The following USP12 variants were observed in gnomAD, a reference collection of about 807,000 sequenced individuals.
USP12 encodes the protein ubiquitin carboxyl-terminal hydrolase 12.
Under a neutral mutation model 45.5 loss-of-function variants are expected in USP12, and 19 were observed. The ratio of observed to expected loss-of-function variants is 0.42; its 90% CI spans 0.29 to 0.61. The LOEUF (loss-of-function observed/expected upper bound fraction) is 0.61, where lower values mean the gene tolerates loss of function less well. Ranked by LOEUF, USP12 falls within the 20% of genes least tolerant of loss-of-function variation. The pLI, the probability that USP12 is intolerant of heterozygous loss-of-function variation, is 0.22. For missense variants in USP12, 242 were observed against 447.7 expected (o/e 0.54, Z 4.15); for synonymous variants, 149 against 148.8 (o/e 1.00, Z -0.01).
intron 6 of USP12, among the ~76,000 whole-genome samples, chr13:27,083,946 C>G (rs7985407): frequency 0.62 from 93,598 of 150,514 alleles, 31,536 homozygotes; most frequent in Non-Finnish European, 0.77. Context: ...CTCACTGCAA[C>G]CTCTGCCTCC....
At chr13:27,121,817 T>C (rs1204220370) in intron 1 of USP12, among the ~76,000 whole-genome samples, 2 of 151,436 alleles carry the variant, frequency 1.3e-5, no homozygotes, top group Non-Finnish European at 2.9e-5. Flanking sequence ...GCCGAGATCA[T>C]GCCACTGCAC....
chr13:27,069,844 G>A (rs989931884), intron 8 of USP12, among the ~76,000 whole-genome samples: 2 of 152,196 alleles, frequency 1.3e-5, no homozygotes, highest in African/African-American at 2.4e-5. Flanking sequence ...CTACTCGGGA[G>A]GCTGAGGCAG....
At chr13:27,156,844 G>GAGA (rs1566006809) in intron 1 of USP12, among the ~76,000 whole-genome samples, 5 of 151,972 alleles carry the variant, frequency 3.3e-5, no homozygotes, top group African/African-American at 1.2e-4. Flanking sequence ...GAGAGAGAGA[G>GAGA]AAAAAATGAT....
intron 1 of USP12, among the ~76,000 whole-genome samples, chr13:27,142,924 C>T (rs1877131037): frequency 6.6e-6 from 1 of 152,022 alleles, no homozygotes; most frequent in African/African-American, 2.4e-5. Context: ...GAAACCCCAT[C>T]TCTACTAAAA....
At chr13:27,168,147 C>T (rs1333256276) in intron 1 of USP12, among the ~76,000 whole-genome samples, 6 of 152,164 alleles carry the variant, frequency 3.9e-5, no homozygotes, top group Non-Finnish European at 7.3e-5. Flanking sequence ...GGCCTCATTA[C>T]CACCATGTTC....
intron 6 of USP12, among the ~76,000 whole-genome samples, chr13:27,078,704 TA>T (rs1299845728): frequency 1.3e-5 from 2 of 151,612 alleles, no homozygotes; most frequent in African/African-American, 4.8e-5. Context: ...TAAGAGAACA[TA>T]ACAATCTTAA....
At chr13:27,087,079 T>C (rs1263582066) in intron 6 of USP12, among the ~76,000 whole-genome samples, 1 of 151,560 alleles carries the variant, frequency 6.6e-6, no homozygotes, top group East Asian at 1.9e-4. Flanking sequence ...GAGGGGGAAG[T>C]CAAAGCAGAG....
At chr13:27,075,699 T>C (rs1303993309) in intron 6 of USP12, among the ~76,000 whole-genome samples, 1 of 152,118 alleles carries the variant, frequency 6.6e-6, no homozygotes, top group East Asian at 1.9e-4. Context: ...AACACACGTC[T>C]CTTATAATAA....
chr13:27,116,626 T>A, intron 1 of USP12, 30 bp from the exon 2 acceptor site: 1 of 1,602,258 alleles, frequency 6.2e-7, no homozygotes, highest in Non-Finnish European at 8.5e-7. Context: ...AATCTTAGTA[T>A]TTATAGTAGT....
intron 1 of USP12, chr13:27,117,913 C>T (rs970033846): frequency 1.1e-5 from 5 of 449,930 alleles, no homozygotes; most frequent in African/African-American, 1.0e-4. Context: ...GCAGATACAA[C>T]TAAACAGATT....
chr13:27,085,148 G>A lies in USP12; in HGVS notation c.734+4735C>T, dbSNP rs1205776602. ...ATTGTTTCTAATAGTATTATAAATGGAATGTTTTCTTTTTTCTTTCTTTCT... is the reference window on the plus strand; with the variant it reads ...ATTGTTTCTAATAGTATTATAAATGAAATGTTTTCTTTTTTCTTTCTTTCT... On this transcript the variant is annotated intron_variant, in intron 6 of 8. Coordinates refer to ENST00000282344, the MANE Select transcript of USP12 (RefSeq NM_182488.4). 2.7e-5 allele frequency among the ~76,000 whole-genome samples: 4 copies of A among 147,122 alleles called. No individual in the cohort carries two copies. The Admixed American group carries it at 2.8e-4, about 10-fold the overall frequency.
chr13:27,074,139 G>A (rs989079660), intron 7 of USP12, among the ~76,000 whole-genome samples: 1 of 152,194 alleles, frequency 6.6e-6, no homozygotes. Flanking sequence ...GGTGGCTCAC[G>A]CGTGTAATCC....
At chr13:27,167,107 C>G (rs1041779868) in intron 1 of USP12, among the ~76,000 whole-genome samples, 3 of 151,992 alleles carry the variant, frequency 2.0e-5, no homozygotes, top group African/African-American at 7.2e-5. Flanking sequence ...ACTAAAAATA[C>G]AAAAATTAGC....
intron 7 of USP12, among the ~76,000 whole-genome samples, chr13:27,074,001 A>C (rs1245403918): frequency 1.3e-5 from 2 of 152,198 alleles, no homozygotes. Context: ...GAAGTAGAAG[A>C]AAGATTCTTG....
chr13:27,130,157 C>T (rs935615270), intron 1 of USP12, among the ~76,000 whole-genome samples: 5 of 152,180 alleles, frequency 3.3e-5, no homozygotes, highest in South Asian at 2.1e-4. Context: ...GGGCTGGCAG[C>T]GGGAACCTTG....
intron 8 of USP12, among the ~76,000 whole-genome samples, chr13:27,070,597 A>G (rs540769453): frequency 4.9e-4 from 71 of 145,218 alleles, no homozygotes; most frequent in African/African-American, 1.8e-3. Context: ...CTTATTGCCC[A>G]GGCTGGAGTG....
intron 2 of USP12, among the ~76,000 whole-genome samples, chr13:27,111,906 T>C (rs1004735861): frequency 1.3e-5 from 2 of 151,484 alleles, no homozygotes; most frequent in Non-Finnish European, 3.0e-5. Context: ...TTAATGGCTA[T>C]CAAAACTGAA....
At chr13:27,118,554 T>A (rs1486338105) in intron 1 of USP12, among the ~76,000 whole-genome samples, 1 of 152,172 alleles carries the variant, frequency 6.6e-6, no homozygotes, top group African/African-American at 2.4e-5. Context: ...CCAGCTCAAG[T>A]ACTTTGTCAC....
chr13:27,152,852 C>G (rs945880677), intron 1 of USP12, among the ~76,000 whole-genome samples: 10 of 144,736 alleles, frequency 6.9e-5, no homozygotes, highest in Non-Finnish European at 1.3e-4. Flanking sequence ...TGAGGCAGGA[C>G]AATGGCGTGA....
Sources: gnomAD v4.1 joint callset for allele counts (sites outside exome capture counted in the v4.1 genomes callset) on GRCh38, gnomAD v4.1.1 for gene constraint, MANE v1.5 for transcripts, NCBI Gene and HGNC (gene_info 2026-07-23, HGNC 2026-07-21) for gene names.